CSMD2: variants seen among roughly 807,000 people sequenced by gnomAD.
CSMD2 encodes the protein CUB and sushi domain-containing protein 2.
CSMD2 carries 130 observed loss-of-function variants against 398.5 expected under a neutral mutation model. The ratio of observed to expected loss-of-function variants is 0.33; its 90% CI spans 0.28 to 0.38. CSMD2 has a LOEUF of 0.38. Among genes scored for constraint, CSMD2 ranks in the 10% least tolerant of loss-of-function variants. CSMD2 has a pLI of 1.00. For synonymous variants in CSMD2, 1,828 were observed against 1,908.5 expected (o/e 0.96, Z 1.10); for missense variants, 3,829 against 4,764.9 (o/e 0.80, Z 5.78).
Position 33,572,583 on chromosome 1 carries a change from T to G in CSMD2, c.7685A>C (p.Gln2562Pro), listed in dbSNP as rs896141167. ...CTCTGCAGTGGCCTCAGCGCCTGCCTGGAGGTGGTAGCCTTCACTGCAGCT... is the reference window on the plus strand; with the variant it reads ...CTCTGCAGTGGCCTCAGCGCCTGCCGGGAGGTGGTAGCCTTCACTGCAGCT... ...MYSCSEGYHL[Q>P]AGAEATAECL... The change falls in exon 50 of 71, where the codon CAG (glutamine) becomes CCG (proline). Residue 2562 changes from glutamine to proline, a missense_variant. Gln to Pro is a moderately conservative substitution (Grantham distance 76). Transcript: ENST00000373381. 6.2e-7 allele frequency: 1 copy of G among 1,614,106 alleles called. No homozygotes were observed. Among genetic ancestry groups the G allele is most frequent in the Admixed American group, 1.7e-5 (1 of 60,028 alleles).
intron 1 of CSMD2, among the ~76,000 whole-genome samples, chr1:34,156,315 G>T (rs1253237193): frequency 6.6e-6 from 1 of 152,214 alleles, no homozygotes; most frequent in Non-Finnish European, 1.5e-5. Context: ...GGTAGGGAAA[G>T]GGTTGGGGTC....
intron 2 of CSMD2, among the ~76,000 whole-genome samples, chr1:34,087,640 A>G (rs1253654622): frequency 1.3e-5 from 2 of 148,626 alleles, no homozygotes; most frequent in East Asian, 3.9e-4. Flanking sequence ...AATAATAATA[A>G]TAATAATAAT....
intron 3 of CSMD2, among the ~76,000 whole-genome samples, chr1:34,007,379 G>C (rs1647093113): frequency 6.6e-6 from 1 of 152,170 alleles, no homozygotes; most frequent in Non-Finnish European, 1.5e-5. Context: ...CAGCTGTTGG[G>C]ATATGGGCAA....
intron 48 of CSMD2, among the ~76,000 whole-genome samples, chr1:33,580,442 G>A (rs528709040): frequency 6.6e-6 from 1 of 152,310 alleles, no homozygotes; most frequent in South Asian, 2.1e-4. Flanking sequence ...ATGCCTTAGG[G>A]CTTTTTAGTT....
At chr1:33,885,729 A>C (rs1022027855) in intron 5 of CSMD2, among the ~76,000 whole-genome samples, 3 of 152,164 alleles carry the variant, frequency 2.0e-5, no homozygotes, top group African/African-American at 7.2e-5. Context: ...TTCTGTGCCC[A>C]TATTTCTTAC....
Position 33,537,476 on chromosome 1 carries a change from C to T in CSMD2, c.9765G>A (p.Gln3255=), listed in dbSNP as rs1296690040. 2 of 1,614,094 alleles carry T rather than the reference C, an allele frequency of 1.2e-6. No homozygotes were observed. The highest frequency in any genetic ancestry group is 1.7e-6 in the Non-Finnish European group (2 of 1,179,960). Residue 3255 remains glutamine (Q), a synonymous_variant, in exon 61 of 71, where the codon CAG becomes CAA. Transcript: ENST00000373381. The surrounding 1 kb of genome is among the most constrained non-coding windows in gnomAD (Gnocchi z 4.6). The part of the protein sequence containing the change: ...VLVGSPRRFC[Q]SDGTWSGTQP... ...GGGTGCCACTCCATGTCCCATCTGACTGGCAAAACCTGCGTGGAGAGCCCA... is the reference window on the plus strand; with the variant it reads ...GGGTGCCACTCCATGTCCCATCTGATTGGCAAAACCTGCGTGGAGAGCCCA...
At chr1:34,015,149 C>T (rs1402793295) in intron 3 of CSMD2, among the ~76,000 whole-genome samples, 2 of 152,200 alleles carry the variant, frequency 1.3e-5, no homozygotes, top group African/African-American at 2.4e-5. Flanking sequence ...GCTGGAGCCC[C>T]CAGAACCCAG....
chr1:34,080,750 C>T (rs1358386300), intron 2 of CSMD2, among the ~76,000 whole-genome samples: 1 of 151,434 alleles, frequency 6.6e-6, no homozygotes, highest in Non-Finnish European at 1.5e-5. Flanking sequence ...ATTTAATTTA[C>T]AAAATTGGCA....
chr1:34,092,981 G>A (rs1437361889), intron 1 of CSMD2, among the ~76,000 whole-genome samples: 2 of 152,136 alleles, frequency 1.3e-5, no homozygotes, highest in African/African-American at 4.8e-5. Flanking sequence ...AAAGACAGCA[G>A]TAACCTCTGC....
In CSMD2 at chr1:34,164,984, G is replaced by A; in HGVS notation, c.114C>T (p.Arg38=). 8.3e-7 allele frequency: 1 copy of A among 1,209,778 alleles called. No individual in the cohort carries two copies. Among genetic ancestry groups the A allele is most frequent in the Non-Finnish European group, 1.0e-6 (1 of 974,214 alleles). The allele number at this position is 1,209,778 out of a possible 1,614,324, so 74.9% of individuals were successfully genotyped here. ...GAGGCGGCGGCGTTGGCGGCGGCGG[G>A]CGGCCCCAGCGGCTCCCGGCGCCCG... is the stretch of plus-strand genomic sequence containing the variant. The part of the protein sequence containing the change: ...LVPGAGSRWG[R]PPPPTPPPLL... The change falls in exon 1 of 71, where the codon CGC becomes CGT. Residue 38 remains arginine, a synonymous_variant. Transcript: ENST00000373381. This position sits in a 1 kb window ranked among gnomAD's most constrained non-coding sequence, Gnocchi z 6.2.
rs1343499538 is a variant in CSMD2, at chr1:33,838,148, C to A, written c.1033+8736G>T. ...AGACTTCCCTCTATGAGGGTGAGCC[C>A]CTCCAATAAACTAGATCATTCCCCT... is the stretch of plus-strand genomic sequence containing the variant. On this transcript the variant is annotated intron_variant, in intron 6 of 70. Transcript: ENST00000373381. 2.0e-4 allele frequency among the ~76,000 whole-genome samples: 31 copies of A among 152,126 alleles called. 1 individual carries two copies. Among genetic ancestry groups the A allele is most frequent in the Non-Finnish European group, 1.5e-5 (1 of 68,022 alleles).
In CSMD2 at chr1:33,714,630, C is replaced by T. The variant is rs781648876; in HGVS notation, c.3363G>A (p.Gly1121=). The T allele has an allele frequency of 6.8e-6, 11 of 1,613,988 alleles. No individual in the cohort carries two copies. The highest frequency in any genetic ancestry group is 9.3e-6 in the Non-Finnish European group (11 of 1,180,044). ...GCGAGCTCCACAGGCGCCGTCTGCC[C>T]CCCAGGCACGTGATGCGGGCGGTGC... ...LEGTARITCL[G]GRRRLWSSPL... The change falls in exon 21 of 71, where the codon GGG becomes GGA. Residue 1121 remains glycine (G), a synonymous_variant. Transcript: ENST00000373381.
At chr1:33,769,944 A>G (rs757932247) in intron 13 of CSMD2, among the ~76,000 whole-genome samples, 3 of 152,220 alleles carry the variant, frequency 2.0e-5, no homozygotes, top group Non-Finnish European at 4.4e-5. Flanking sequence ...GCTTTGTAAA[A>G]CACAGAGACC....
intron 2 of CSMD2, among the ~76,000 whole-genome samples, chr1:34,076,921 A>AT: frequency 8.9e-6 from 1 of 112,054 alleles, no homozygotes; most frequent in South Asian, 3.2e-4. Flanking sequence ...AAAAAAAAAA[A>AT]AAAAAAAATA....
chr1:33,702,312 C>T (rs997937080), intron 22 of CSMD2, among the ~76,000 whole-genome samples: 4 of 152,060 alleles, frequency 2.6e-5, no homozygotes, highest in Non-Finnish European at 5.9e-5. Flanking sequence ...GAAATTTAAA[C>T]CCTCACTGGA....
intron 6 of CSMD2, among the ~76,000 whole-genome samples, chr1:33,843,359 C>A (rs939384352): frequency 1.3e-5 from 2 of 152,146 alleles, no homozygotes; most frequent in African/African-American, 4.8e-5. Flanking sequence ...TGGACTGAGA[C>A]CAGAATATAA....
intron 68 of CSMD2, among the ~76,000 whole-genome samples, chr1:33,520,381 G>T (rs753787432): frequency 6.6e-6 from 1 of 152,182 alleles, no homozygotes; most frequent in African/African-American, 2.4e-5. Context: ...CTTCTGAAAG[G>T]CTGCCTCTCC....
intron 44 of CSMD2, among the ~76,000 whole-genome samples, chr1:33,589,783 C>A (rs1639308048): frequency 6.6e-6 from 1 of 152,030 alleles, no homozygotes; most frequent in Non-Finnish European, 1.5e-5. Flanking sequence ...CTTTCTTTGC[C>A]CCTATTTTTC....
chr1:33,754,125 G>T (rs554296755), intron 13 of CSMD2, among the ~76,000 whole-genome samples: 1 of 152,156 alleles, frequency 6.6e-6, no homozygotes, highest in South Asian at 2.1e-4. Flanking sequence ...GGGAGCCAGG[G>T]ACAGAATGAT....
Sources: allele counts gnomAD v4.1 joint callset (sites outside exome capture counted in the v4.1 genomes callset), GRCh38; gene constraint gnomAD v4.1.1; non-coding constraint Gnocchi (gnomAD v3.1); transcripts MANE v1.5; gene names NCBI Gene and HGNC (gene_info 2026-07-23, HGNC 2026-07-21).